The following CADPS variants were observed in gnomAD, a reference collection of about 807,000 sequenced individuals.
CADPS encodes the protein calcium-dependent secretion activator 1.
In CADPS, 57 loss-of-function variants were observed where a neutral mutation model predicts 167.3. The ratio of observed to expected loss-of-function variants is 0.34; its 90% CI spans 0.28 to 0.42. CADPS has a LOEUF of 0.42. CADPS is among the 20% of genes least tolerant of loss of function. The pLI, the probability that CADPS is intolerant of heterozygous loss-of-function variation, is 1.00. For synonymous variants in CADPS, 676 were observed against 635.3 expected (o/e 1.06, Z -0.96); for missense variants, 1,414 against 1,738.1 (o/e 0.81, Z 3.32).
intron 1 of CADPS, among the ~76,000 whole-genome samples, chr3:62,817,991 G>A (rs535086516): frequency 2.5e-4 from 38 of 152,100 alleles, no homozygotes; most frequent in Non-Finnish European, 5.4e-4. Context: ...CCTGTGTGGA[G>A]CCCACATTTG....
chr3:62,836,775 T>G (rs2153019185), intron 1 of CADPS, among the ~76,000 whole-genome samples: 1 of 152,292 alleles, frequency 6.6e-6, no homozygotes, highest in South Asian at 2.1e-4. Flanking sequence ...CCAATAAGAT[T>G]GGGCTTTGAG....
chr3:62,435,666 A>T lies in CADPS; in HGVS notation c.3777+2438T>A, dbSNP rs538719755. On this transcript the variant is annotated intron_variant, in intron 28 of 29. Transcript: ENST00000383710. ...GTTATCTCTAAATAAGCTCCTGAAA[A>T]ATTTTTTTTTTTCCACGGGGCCGGG... Among the ~76,000 whole-genome samples, 380 of 151,832 alleles carry T rather than the reference A, an allele frequency of 2.5e-3. 1 individual carries two copies. The highest frequency in any genetic ancestry group is 7.9e-3 in the African/African-American group (327 of 41,406).
At chr3:62,529,584 G>T (rs553861136) in intron 13 of CADPS, among the ~76,000 whole-genome samples, 1 of 152,278 alleles carries the variant, frequency 6.6e-6, no homozygotes, top group South Asian at 2.1e-4. Flanking sequence ...AACAGAAATT[G>T]CATTTCACCT....
intron 1 of CADPS, among the ~76,000 whole-genome samples, chr3:62,812,823 T>G (rs542045552): frequency 1.1e-3 from 162 of 152,266 alleles, no homozygotes; most frequent in Middle Eastern, 6.8e-3. Flanking sequence ...GGCAAATGAT[T>G]TATTTATATA....
intron 1 of CADPS, among the ~76,000 whole-genome samples, chr3:62,789,500 T>C (rs1269983252): frequency 6.6e-6 from 1 of 152,170 alleles, no homozygotes; most frequent in African/African-American, 2.4e-5. Flanking sequence ...AATTTAACAG[T>C]ATTTTGCTCA....
intron 1 of CADPS, among the ~76,000 whole-genome samples, chr3:62,817,826 A>G (rs1025864078): frequency 3.9e-5 from 6 of 152,182 alleles, no homozygotes; most frequent in Non-Finnish European, 2.9e-5. Context: ...GTAGTTTCCA[A>G]ATCAATTTTA....
chr3:62,826,153 G>C (rs1237608036), intron 1 of CADPS, among the ~76,000 whole-genome samples: 1 of 152,192 alleles, frequency 6.6e-6, no homozygotes, highest in African/African-American at 2.4e-5. Flanking sequence ...ATGACAGTCA[G>C]TTTCTTGTGG....
At chr3:62,834,146 G>C (rs2075555357) in intron 1 of CADPS, among the ~76,000 whole-genome samples, 1 of 152,148 alleles carries the variant, frequency 6.6e-6, no homozygotes, top group African/African-American at 2.4e-5. Context: ...GAACTCCTCA[G>C]TGAAGTAAAG....
chr3:62,481,853 GGTTACTGGTTAAACT>G lies in CADPS; in HGVS notation c.3028_3042del (p.Ser1010_Asn1014del), dbSNP rs1414763073. ...ACATTGGGTAGGTTCACATTGGGTA[GGTTACTGGTTAAACT>G]CCTGTGGAAGAAACAGACAGAAAGA... On this transcript the variant is annotated inframe_deletion and splice_region_variant, in exon 22 of 30. Transcript: ENST00000383710. 6.2e-7 allele frequency: 1 copy of G among 1,609,834 alleles called. No individual in the cohort carries two copies. The highest frequency in any genetic ancestry group is 8.5e-7 in the Non-Finnish European group (1 of 1,178,512).
intron 6 of CADPS, among the ~76,000 whole-genome samples, chr3:62,640,849 A>G (rs2067266440): frequency 6.6e-6 from 1 of 152,220 alleles, no homozygotes; most frequent in Admixed American, 6.5e-5. Flanking sequence ...TGGTTATTAC[A>G]GAGGACAACT....
At chr3:62,785,105 G>GTGTGCTTC (rs560396680) in intron 1 of CADPS, among the ~76,000 whole-genome samples, 1,601 of 152,290 alleles carry the variant, frequency 0.011, 32 homozygotes, top group African/African-American at 0.036. Flanking sequence ...ACATGAAAGA[G>GTGTGCTTC]ATTAACCATG....
Position 62,650,926 on chromosome 3 carries a change from T to C in CADPS, c.1124A>G (p.Asn375Ser), listed in dbSNP as rs1404177679. The C allele has an allele frequency of 1.9e-6, 3 of 1,613,960 alleles. No homozygotes were observed. Among genetic ancestry groups the C allele is most frequent in the East Asian group, 2.2e-5 (1 of 44,876 alleles). ...CTCGCCCATGTCGATGATGGAAGCA[T>C]TGTGGCTGCGTTTGAGTTTCTGGAG... ...FKLQKLKRSHNASIIDMGEES... is the reference protein window; with the variant it reads ...FKLQKLKRSHSASIIDMGEES... The change falls in exon 5 of 30, where the codon AAT becomes AGT. Residue 375 changes from asparagine to serine, a missense_variant. Around this residue, in one of 6 missense-constraint regions of CADPS, gnomAD observed 522 missense variants for 559.5 expected, o/e 0.93. Coordinates refer to ENST00000383710, the MANE Select transcript of CADPS (RefSeq NM_003716.4).
chr3:62,783,543 T>C (rs764668613), intron 1 of CADPS, among the ~76,000 whole-genome samples: 2 of 152,136 alleles, frequency 1.3e-5, no homozygotes, highest in Non-Finnish European at 1.5e-5. Context: ...GACAACTATG[T>C]GGGACTTGAA....
At chr3:62,402,628 A>G (rs1410062166) in intron 29 of CADPS, among the ~76,000 whole-genome samples, 1 of 152,266 alleles carries the variant, frequency 6.6e-6, no homozygotes, top group Admixed American at 6.5e-5. Context: ...AACTATGAGA[A>G]CAATATTGAT....
chr3:62,604,975 A>G (rs1204913442), intron 6 of CADPS, among the ~76,000 whole-genome samples: 1 of 152,204 alleles, frequency 6.6e-6, no homozygotes, highest in African/African-American at 2.4e-5. Context: ...GTGTTTCCCT[A>G]TAATTACTTT....
intron 3 of CADPS, among the ~76,000 whole-genome samples, chr3:62,724,672 A>G (rs965425063): frequency 2.0e-5 from 3 of 152,152 alleles, no homozygotes; most frequent in African/African-American, 7.2e-5. Context: ...TCATTTAGCA[A>G]TGCATCAGTG....
chr3:62,632,044 C>G (rs2065380681), intron 6 of CADPS, among the ~76,000 whole-genome samples: 1 of 152,158 alleles, frequency 6.6e-6, no homozygotes, highest in Non-Finnish European at 1.5e-5. Context: ...TTTGGTCACC[C>G]TATTCACCAA....
Position 62,735,845 on chromosome 3 carries a change from T to C in CADPS, c.888+17596A>G, listed in dbSNP as rs1301384623. ...GGTTGCATGCACACAGATGATACTG[T>C]AGGAGATGATAGTGTAATGAAATTG... On this transcript the variant is annotated intron_variant, in intron 3 of 29. Coordinates refer to ENST00000383710, the MANE Select transcript of CADPS (RefSeq NM_003716.4). Among the ~76,000 whole-genome samples the C allele has an allele frequency of 2.0e-5, 3 of 152,170 alleles. No homozygotes were observed. In the East Asian group the frequency reaches 5.8e-4, roughly 29 times the overall value.
At chr3:62,747,283 G>A (rs2081665230) in intron 3 of CADPS, among the ~76,000 whole-genome samples, 1 of 152,004 alleles carries the variant, frequency 6.6e-6, no homozygotes, top group Admixed American at 6.5e-5. Context: ...CTATATTGTT[G>A]TTACAGGATC....
Sources: allele counts gnomAD v4.1 joint callset (sites outside exome capture counted in the v4.1 genomes callset), GRCh38; gene constraint gnomAD v4.1.1; regional missense constraint gnomAD v4.1.1; transcripts MANE v1.5; gene names NCBI Gene and HGNC (gene_info 2026-07-23, HGNC 2026-07-21).